The following SORD variants were observed in gnomAD, a reference collection of about 807,000 sequenced individuals.
The protein encoded by SORD is sorbitol dehydrogenase.
A neutral mutation model predicts 35.6 loss-of-function variants in SORD; 18 were observed. That is an observed-to-expected ratio of 0.51 (90% confidence interval 0.35 to 0.75). The LOEUF (loss-of-function observed/expected upper bound fraction) is 0.75. Among genes scored for constraint, SORD ranks in the 30% least tolerant of loss-of-function variants. The pLI is 0.01. For missense variants in SORD, 250 were observed against 390.2 expected, an observed-to-expected ratio of 0.64 and a Z score of 3.03; for synonymous variants, 106 against 152.9, an observed-to-expected ratio of 0.69 and a Z score of 2.26.
At chr15:45,023,566 G>C (rs1223585272) in intron 1 of SORD, among the ~76,000 whole-genome samples, 1 of 152,228 alleles carries the variant, frequency 6.6e-6, no homozygotes, top group East Asian at 1.9e-4. Flanking sequence ...CCGGAACCTA[G>C]CCCCGTGGCT....
chr15:45,049,847 T>C (rs1893099270), intron 3 of SORD, among the ~76,000 whole-genome samples: 1 of 152,210 alleles, frequency 6.6e-6, no homozygotes, highest in Admixed American at 6.5e-5. Context: ...AACTTAAAAC[T>C]AATGAGATTA....
At chr15:45,039,521 G>T (rs781387521) in intron 1 of SORD, among the ~76,000 whole-genome samples, 1 of 152,200 alleles carries the variant, frequency 6.6e-6, no homozygotes, top group Non-Finnish European at 1.5e-5. Flanking sequence ...TTCCTAGCCC[G>T]TTGACAATGA....
intron 2 of SORD, 62 bp downstream of exon 2, chr15:45,040,503 A>G (rs1892950338): frequency 2.4e-6 from 3 of 1,241,786 alleles, no homozygotes; most frequent in Non-Finnish European, 2.4e-6. Flanking sequence ...TTGGAGTCAC[A>G]TGTATATTGT....
intron 1 of SORD, among the ~76,000 whole-genome samples, chr15:45,034,091 G>A (rs202161262): frequency 1.3e-4 from 19 of 151,716 alleles, no homozygotes; most frequent in Non-Finnish European, 1.9e-4. Flanking sequence ...TCCAGGGTTG[G>A]TTCAACCATA....
In SORD at chr15:45,028,810, G is replaced by A. The variant is rs76071295; in HGVS notation, c.66+5461G>A. Among the ~76,000 whole-genome samples the A allele has an allele frequency of 8.5e-3, 1,288 of 152,228 alleles. 3 individuals are homozygous for A. Among genetic ancestry groups the A allele is most frequent in the East Asian group, 0.021 (108 of 5,172 alleles). The stretch of plus-strand genomic sequence containing the variant: ...TACTCTTATTTATTTTTAAAAATAA[G>A]ATAAATCTATATCTGTAATACAGCA... On this transcript the variant is annotated intron_variant, in intron 1 of 8. Transcript: ENST00000267814.
chr15:45,031,809 G>A (rs1188408742), intron 1 of SORD, among the ~76,000 whole-genome samples: 1 of 141,938 alleles, frequency 7.0e-6, no homozygotes, highest in Non-Finnish European at 1.6e-5. Flanking sequence ...AGCAGGTGTT[G>A]TCATCTCAGT....
chr15:45,045,319 C>T (rs1005299104), intron 3 of SORD, among the ~76,000 whole-genome samples: 1 of 152,068 alleles, frequency 6.6e-6, no homozygotes, highest in African/African-American at 2.4e-5. Context: ...GGGCAGGTCA[C>T]TTGAGGTCAG....
At chr15:45,069,490 G>A (rs1893474600) in intron 7 of SORD, among the ~76,000 whole-genome samples, 1 of 151,940 alleles carries the variant, frequency 6.6e-6, no homozygotes, top group Admixed American at 6.6e-5. Flanking sequence ...GATTACAGGC[G>A]CTATCTCTGT....
At chr15:45,071,355 G>A (rs1409394192) in intron 7 of SORD, among the ~76,000 whole-genome samples, 5 of 152,172 alleles carry the variant, frequency 3.3e-5, no homozygotes, top group East Asian at 3.9e-4. Context: ...AAGCAGCAGC[G>A]CTGGGAGTCA....
rs115512931 is a variant in SORD, at chr15:45,059,715, T to G, written c.266-1352T>G. Among the ~76,000 whole-genome samples, 866 of 152,322 alleles carry G rather than the reference T, an allele frequency of 5.7e-3. 9 individuals are homozygous for G. The highest frequency in any genetic ancestry group is 0.02 in the African/African-American group (826 of 41,572). On this transcript the variant is annotated intron_variant, in intron 3 of 8. Transcript: ENST00000267814. ...TCTTCCTATGTTGCTCTTGAACTCC[T>G]GGGTTCAAGTGATCCTCCTGCCTTG...
intron 1 of SORD, among the ~76,000 whole-genome samples, chr15:45,032,657 A>T (rs1352237712): frequency 6.6e-6 from 1 of 152,152 alleles, no homozygotes; most frequent in Non-Finnish European, 1.5e-5. Context: ...CATTTCAGCA[A>T]GATTGTTATC....
chr15:45,061,815 G>A (rs1160121815), intron 4 of SORD, among the ~76,000 whole-genome samples: 3 of 152,010 alleles, frequency 2.0e-5, no homozygotes, highest in Non-Finnish European at 4.4e-5. Flanking sequence ...GTTGCAGTGA[G>A]CCGAGATGGC....
intron 1 of SORD, among the ~76,000 whole-genome samples, chr15:45,038,788 G>A (rs1366729214): frequency 6.6e-6 from 1 of 152,134 alleles, no homozygotes; most frequent in Non-Finnish European, 1.5e-5. Flanking sequence ...GTGCGGTGGG[G>A]CTGCCTATGA....
At chr15:45,034,578 T>C (rs1255699904) in intron 1 of SORD, among the ~76,000 whole-genome samples, 3 of 152,268 alleles carry the variant, frequency 2.0e-5, no homozygotes, top group South Asian at 2.1e-4. Context: ...CAGAGAGTAC[T>C]TCCTGAAGTA....
chr15:45,049,498 AGG>A (rs933975549), intron 3 of SORD, among the ~76,000 whole-genome samples: 14 of 152,180 alleles, frequency 9.2e-5, no homozygotes. Context: ...AAACAAGACA[AGG>A]GGGTAAGAAA....
intron 3 of SORD, among the ~76,000 whole-genome samples, chr15:45,058,269 C>T (rs1335346671): frequency 6.6e-6 from 1 of 152,144 alleles, no homozygotes; most frequent in East Asian, 1.9e-4. Context: ...TCAGTTGTCC[C>T]AGGACCTCCT....
intron 3 of SORD, among the ~76,000 whole-genome samples, chr15:45,045,056 A>T (rs1893025469): frequency 6.6e-6 from 1 of 152,164 alleles, no homozygotes; most frequent in African/African-American, 2.4e-5. Flanking sequence ...TCATTAATTG[A>T]AGAAGAAATT....
intron 1 of SORD, 151 bp from the exon 2 acceptor site, chr15:45,040,257 G>A (rs1595498525): frequency 1.6e-6 from 1 of 618,730 alleles, no homozygotes; most frequent in East Asian, 2.8e-5. Flanking sequence ...ATCCCCTCAG[G>A]CATGCACCCA....
intron 4 of SORD, 97 bp from the exon 5 acceptor site, chr15:45,065,174 G>A (rs1278029562): frequency 8.9e-7 from 1 of 1,126,738 alleles, no homozygotes; most frequent in African/African-American, 1.6e-5. Flanking sequence ...ATAAATGCTA[G>A]CTATGGTTGT....
Sources: allele counts gnomAD v4.1 joint callset (sites outside exome capture counted in the v4.1 genomes callset), GRCh38; gene constraint gnomAD v4.1.1; transcripts MANE v1.5; gene names NCBI Gene and HGNC (gene_info 2026-07-23, HGNC 2026-07-21).